Variants in WIPF1 observed in about 807,000 individuals in gnomAD.
The protein encoded by WIPF1 is WAS/WASL interacting protein family member 1.
A neutral mutation model predicts 35.4 loss-of-function variants in WIPF1; 13 were observed. That is an observed-to-expected ratio of 0.37 (90% CI 0.24 to 0.58). The LOEUF is 0.58. Ranked by LOEUF, WIPF1 falls within the 20% of genes least tolerant of loss-of-function variation. The pLI, the probability that WIPF1 is intolerant of heterozygous loss-of-function variation, is 0.74. For synonymous variants in WIPF1, 267 were observed against 266.3 expected (o/e 1.00, Z -0.02); for missense variants, 591 against 667.0 (o/e 0.89, Z 1.25).
intron 1 of WIPF1, among the ~76,000 whole-genome samples, chr2:174,647,521 G>A (rs948292118): frequency 1.1e-4 from 16 of 151,848 alleles, no homozygotes; most frequent in Non-Finnish European, 1.8e-4. Flanking sequence ...TTACAGGCGC[G>A]TGCCACTATG....
chr2:174,562,366 A>T lies in WIPF1; in HGVS notation c.*181T>A. On this transcript the variant is annotated 3_prime_UTR_variant, in exon 8 of 8. Transcript: ENST00000679041. The stretch of plus-strand genomic sequence containing the variant: ...CAATAGCCTGGAGAATAAACACAAT[A>T]TGAAAAGCTAGGTGCATTTCTTACC... 2.7e-6 allele frequency: 4 copies of T among 1,482,030 alleles called. No homozygotes were observed. Among genetic ancestry groups the T allele is most frequent in the Non-Finnish European group, 3.6e-6 (4 of 1,115,048 alleles). The allele number at this position is 1,482,030 out of a possible 1,614,324, so 91.8% of individuals were successfully genotyped here. A position where few individuals can be genotyped will look rare whatever the true frequency, so the allele number is the denominator to read the frequency against.
Position 174,572,122 on chromosome 2 carries a change from G to A in WIPF1, c.683C>T (p.Thr228Ile). Residue 228 changes from threonine to isoleucine, a missense_variant, in exon 5 of 8, where the codon ACT becomes ATT. Physicochemically the swap from Thr to Ile is moderately conservative, Grantham distance 89 (BLOSUM62 -1). Around this residue, in one of 3 missense-constraint regions of WIPF1, gnomAD observed 471 missense variants for 501.1 expected, o/e 0.94. Coordinates refer to ENST00000679041, the MANE Select transcript of WIPF1 (RefSeq NM_001375834.1). ...ACGTATTGAGCCTCCTCCCAAAGCA[G>A]TGCCGCGGTTTCCAGGGAAAGGGGG... ...TPPPFPGNRG[T>I]ALGGGSIRQS... The A allele has an allele frequency of 6.2e-7, 1 of 1,608,646 alleles. No homozygotes were observed. The highest frequency in any genetic ancestry group is 8.5e-7 in the Non-Finnish European group (1 of 1,177,298).
Position 174,562,481 on chromosome 2 carries a change from G to T in WIPF1, c.*66C>A. ...GCACAAGGGAAGAAGCAGGGAGGAG[G>T]GTATGCAGTTCTTAGATAGCAACAG... On this transcript the variant is annotated 3_prime_UTR_variant, in exon 8 of 8. Coordinates refer to ENST00000679041, the MANE Select transcript of WIPF1 (RefSeq NM_001375834.1). 1.2e-6 allele frequency: 2 copies of T among 1,611,518 alleles called. No homozygotes were observed. The highest frequency in any genetic ancestry group is 1.1e-5 in the South Asian group (1 of 90,370).
At chr2:174,578,350 C>T (rs1685130467) in intron 3 of WIPF1, among the ~76,000 whole-genome samples, 1 of 152,178 alleles carries the variant, frequency 6.6e-6, no homozygotes, top group South Asian at 2.1e-4. Context: ...AGCCTTCCAT[C>T]TCTTAATATA....
intron 1 of WIPF1, among the ~76,000 whole-genome samples, chr2:174,611,318 A>C (rs1364373167): frequency 6.6e-6 from 1 of 152,228 alleles, no homozygotes; most frequent in Non-Finnish European, 1.5e-5. Context: ...AAAGGGCTCC[A>C]AAGTCCTTTG....
chr2:174,587,119 G>T (rs1237169216), intron 1 of WIPF1, among the ~76,000 whole-genome samples: 1 of 152,050 alleles, frequency 6.6e-6, no homozygotes, highest in Non-Finnish European at 1.5e-5. Flanking sequence ...CAATCCTCCT[G>T]CCTCACTCCT....
At chr2:174,624,860 G>C (rs1383810043) in intron 1 of WIPF1, among the ~76,000 whole-genome samples, 1 of 152,128 alleles carries the variant, frequency 6.6e-6, no homozygotes, top group Non-Finnish European at 1.5e-5. Flanking sequence ...TCACTGTGGA[G>C]GGGGGTTGGG....
At chr2:174,580,195 C>T (rs1289167650) in intron 3 of WIPF1, among the ~76,000 whole-genome samples, 1 of 152,150 alleles carries the variant, frequency 6.6e-6, no homozygotes, top group Non-Finnish European at 1.5e-5. Flanking sequence ...AAGTGATCCA[C>T]CCGCCTCAGC....
intron 1 of WIPF1, among the ~76,000 whole-genome samples, chr2:174,643,813 T>C (rs1033094696): frequency 6.6e-6 from 1 of 152,238 alleles, no homozygotes; most frequent in Non-Finnish European, 1.5e-5. Context: ...GTATTTCTTA[T>C]TCTATGTCTC....
upstream of WIPF1, chr2:174,597,963 C>T (rs1685875881): frequency 2.0e-5 from 3 of 152,592 alleles, no homozygotes; most frequent in Admixed American, 2.0e-4. Context: ...GTGTAATACA[C>T]AGCTATTTGG....
At chr2:174,649,535 C>G (rs1185351114) in intron 1 of WIPF1, among the ~76,000 whole-genome samples, 1 of 152,102 alleles carries the variant, frequency 6.6e-6, no homozygotes, top group Non-Finnish European at 1.5e-5. Context: ...ACTAGCCAAC[C>G]CTAAACTGTT....
intron 1 of WIPF1, among the ~76,000 whole-genome samples, chr2:174,654,549 T>C (rs995987224): frequency 1.3e-5 from 2 of 152,192 alleles, no homozygotes; most frequent in South Asian, 4.1e-4. Context: ...TAGAGTCTTC[T>C]GTGCTACAGG....
At chr2:174,664,715 G>T (rs755973040) in intron 1 of WIPF1, among the ~76,000 whole-genome samples, 1 of 152,216 alleles carries the variant, frequency 6.6e-6, no homozygotes, top group East Asian at 1.9e-4. Flanking sequence ...ACCTTTAAAA[G>T]CTTGCTCTAG....
At chr2:174,645,725 T>A (rs1285150258) in intron 1 of WIPF1, among the ~76,000 whole-genome samples, 1 of 152,250 alleles carries the variant, frequency 6.6e-6, no homozygotes. Context: ...TTTGACCAGC[T>A]GTCTTCAAAG....
intron 1 of WIPF1, among the ~76,000 whole-genome samples, chr2:174,643,738 A>T (rs1687345760): frequency 6.6e-6 from 1 of 151,880 alleles, no homozygotes; most frequent in South Asian, 2.1e-4. Flanking sequence ...TTTTTAACAG[A>T]TTTTTCAGTG....
Position 174,679,992 on chromosome 2 carries a change from G to C in WIPF1, c.-39+2782C>G, listed in dbSNP as rs555274574. ...TTAATCTTTCGATGCCTGGCACACA[G>C]TAAACACTTAATAAATATTTGTTAA... On this transcript the variant is annotated intron_variant, in intron 1 of 8. Transcript: ENST00000272746. 7.2e-5 allele frequency among the ~76,000 whole-genome samples: 11 copies of C among 152,342 alleles called. No individual in the cohort carries two copies. The East Asian group carries it at 1.2e-3, about 16-fold the overall frequency.
intron 1 of WIPF1, among the ~76,000 whole-genome samples, chr2:174,630,061 G>A (rs2105930235): frequency 6.6e-6 from 1 of 152,222 alleles, no homozygotes; most frequent in South Asian, 2.1e-4. Flanking sequence ...TTCTAATTTA[G>A]GAAACATATG....
intron 5 of WIPF1, chr2:174,568,790 G>C (rs1428447898): frequency 6.6e-6 from 1 of 152,098 alleles, no homozygotes. Flanking sequence ...GTGCCAGATG[G>C]TCACCTGTCT....
At chr2:174,607,377 T>G (rs762693791) in intron 1 of WIPF1, among the ~76,000 whole-genome samples, 5 of 152,022 alleles carry the variant, frequency 3.3e-5, no homozygotes, top group African/African-American at 9.7e-5. Context: ...CACTCCAACC[T>G]GGGCAACAGA....
Sources: gnomAD v4.1 joint callset for allele counts (sites outside exome capture counted in the v4.1 genomes callset) on GRCh38, gnomAD v4.1.1 for gene constraint, gnomAD v4.1.1 regional missense constraint, MANE v1.5 for transcripts, NCBI Gene and HGNC (gene_info 2026-07-23, HGNC 2026-07-21) for gene names.